SBNO2: variants seen among roughly 807,000 people sequenced by gnomAD.
SBNO2 encodes strawberry notch homolog 2.
Under a neutral mutation model 146.3 loss-of-function variants are expected in SBNO2, and 89 were observed. The observed-to-expected ratio is 0.61, with a 90% confidence interval of 0.51 to 0.73. The LOEUF (loss-of-function observed/expected upper bound fraction) is 0.73, where lower values mean the gene tolerates loss of function less well. SBNO2 is among the 30% of genes least tolerant of loss of function. The probability of loss-of-function intolerance (pLI) is 0.00; values close to 1 mark genes in which losing one functional copy is unlikely to be tolerated. For missense variants in SBNO2, 2,092 were observed against 2,003.7 expected, an observed-to-expected ratio of 1.04 and a Z score of -0.84; for synonymous variants, 1,147 against 892.6, an observed-to-expected ratio of 1.29 and a Z score of -5.08.
Position 1,112,838 on chromosome 19 carries a change from G to A in SBNO2, c.2359C>T (p.Arg787Cys), listed in dbSNP as rs1028753729. ...CGCACCTTCTCGCCGCTCATGAAGC[G>A]CTGCTTCTCCCTGAGGTTCACGTGG... ...IDHVNLREKQ[R>C]FMSGEKLVAI... The change falls in exon 20 of 32, where the codon CGC (arginine) becomes TGC (cysteine). Residue 787 changes from arginine (R) to cysteine (C), a missense_variant. Transcript: ENST00000361757. This position sits in a 1 kb window ranked among gnomAD's most constrained non-coding sequence, Gnocchi z 5.9. The A allele has an allele frequency of 1.0e-5, 16 of 1,574,848 alleles. No homozygotes were observed. The highest frequency in any genetic ancestry group is 1.4e-5 in the Non-Finnish European group (16 of 1,161,982).
rs779293199 is a variant in SBNO2 at position 1,122,115 on chromosome 19, TCCCGATTG to T, written c.1149+16_1149+23del. 2.0e-5 allele frequency: 20 copies of T among 994,048 alleles called. No individual in the cohort carries two copies. Among genetic ancestry groups the T allele is most frequent in the Non-Finnish European group, 2.4e-5 (20 of 831,526 alleles). 61.6% of individuals were successfully genotyped at this position (994,048 alleles called of 1,614,324 possible). ...CCGACCCCCTAATCCAGCCCTCCCC[TCCCGATTG>T]CCCCCAGCAGGATACGACGCCCTCG... On this transcript the variant is annotated intron_variant, in intron 11 of 31. Transcript: ENST00000361757.
intron 1 of SBNO2, among the ~76,000 whole-genome samples, chr19:1,163,671 A>G (rs2080372204): frequency 6.6e-6 from 1 of 152,152 alleles, no homozygotes; most frequent in African/African-American, 2.4e-5. Flanking sequence ...CCGAGCTTGG[A>G]CCCTGCCACG....
chr19:1,170,189 C>T (rs1203014726), intron 1 of SBNO2, among the ~76,000 whole-genome samples: 2 of 152,206 alleles, frequency 1.3e-5, no homozygotes, highest in African/African-American at 4.8e-5. Flanking sequence ...AGGGCGAGAG[C>T]TGATGGGGCC....
chr19:1,113,689 A>G lies in SBNO2; in HGVS notation c.2093T>C (p.Leu698Pro), dbSNP rs2145198043. The G allele has an allele frequency of 1.9e-6, 3 of 1,582,334 alleles. No individual in the cohort carries two copies. Among genetic ancestry groups the G allele is most frequent in the Non-Finnish European group, 2.6e-6 (3 of 1,165,438 alleles). ...CCCGGGGCCATGCGGGTCTCTCTGC[A>G]GGAGGCACAGGGGTCCTAGGGAGGA... ...PSDDRGPLCLLQRDPHGPGVL... is the reference protein window; with the variant it reads ...PSDDRGPLCLPQRDPHGPGVL... Residue 698 changes from leucine to proline, a missense_variant, in exon 19 of 32, where the codon CTG becomes CCG. By Grantham distance (98) the Leu-to-Pro change is moderately conservative. Coordinates refer to ENST00000361757, the MANE Select transcript of SBNO2 (RefSeq NM_014963.3).
rs777876651 is a variant in SBNO2, at chr19:1,109,486, G to A, written c.3216+20C>T. 5 of 1,581,546 alleles carry A rather than the reference G, an allele frequency of 3.2e-6. No homozygotes were observed. The Admixed American group carries it at 5.5e-5, about 17-fold the overall frequency. ...CCCCCGCGGGCCCTCCTCTGGGGGG[G>A]TAACCCCGCCCGACCCCACCTTGTA... On this transcript the variant is annotated intron_variant, in intron 28 of 31. Transcript: ENST00000361757. The surrounding 1 kb of genome is among the most constrained non-coding windows in gnomAD (Gnocchi z 4.2).
At chr19:1,120,860 G>A (rs1353059557) in intron 11 of SBNO2, among the ~76,000 whole-genome samples, 3 of 151,716 alleles carry the variant, frequency 2.0e-5, no homozygotes, top group South Asian at 2.1e-4. Context: ...GTAGAGACGG[G>A]GTTTCACCAT....
intron 7 of SBNO2, among the ~76,000 whole-genome samples, 192 bp from the exon 8 acceptor site, chr19:1,123,237 G>A (rs1225170130): frequency 2.0e-5 from 3 of 151,996 alleles, no homozygotes; most frequent in Non-Finnish European, 4.4e-5. Flanking sequence ...AGGGCTGGCC[G>A]GGTCGGGGGT....
At chr19:1,121,274 G>A (rs948495576) in intron 11 of SBNO2, among the ~76,000 whole-genome samples, 2 of 152,198 alleles carry the variant, frequency 1.3e-5, no homozygotes, top group African/African-American at 4.8e-5. Context: ...CAAATTAAAC[G>A]GCCGGCCCTG....
chr19:1,121,343 T>C (rs1190492289), intron 11 of SBNO2, among the ~76,000 whole-genome samples: 1 of 152,202 alleles, frequency 6.6e-6, no homozygotes, highest in African/African-American at 2.4e-5. Flanking sequence ...TCGTAGATTG[T>C]TGCACATAGA....
At position 1,127,596 on chromosome 19, in the gene SBNO2, G is replaced by T. The variant is rs762873881; in HGVS notation, c.441+8C>A. 1.9e-6 allele frequency: 3 copies of T among 1,610,918 alleles called. No homozygotes were observed. In the African/African-American group the frequency reaches 4.0e-5, roughly 22 times the overall value. On this transcript the variant is annotated splice_region_variant and intron_variant, in intron 5 of 31. Coordinates refer to ENST00000361757, the MANE Select transcript of SBNO2 (RefSeq NM_014963.3). The stretch of plus-strand genomic sequence containing the variant: ...TCGGGGCTGGCTGGGGGCACCGGGC[G>T]CACTGACCTTATCGTGGGTGGAGGG...
rs746246187 is a variant in SBNO2, at chr19:1,119,987, C to A, written c.1186G>T (p.Gly396Cys). 6.4e-7 allele frequency: 1 copy of A among 1,551,544 alleles called. No homozygotes were observed. The highest frequency in any genetic ancestry group is 8.7e-7 in the Non-Finnish European group (1 of 1,147,266). Residue 396 changes from glycine (G) to cysteine (C), a missense_variant, in exon 12 of 32, where the codon GGC becomes TGC. Coordinates refer to ENST00000361757, the MANE Select transcript of SBNO2 (RefSeq NM_014963.3). ...FDECHKAKNA[G>C]STKMGKAVLD... ...ACAGCCTTGCCCATCTTGGTGGAGC[C>A]GGCATTCTTGGCTTTGTGACACTCG...
intron 13 of SBNO2, 85 bp downstream of exon 13, chr19:1,119,430 TG>T: frequency 9.2e-7 from 1 of 1,086,966 alleles, no homozygotes; most frequent in Non-Finnish European, 1.3e-6. Context: ...GAAGCACACG[TG>T]GCAGTGCCAG....
intron 4 of SBNO2, among the ~76,000 whole-genome samples, chr19:1,146,810 G>A (rs2080194710): frequency 1.4e-5 from 2 of 143,086 alleles, no homozygotes; most frequent in Admixed American, 6.9e-5. Context: ...GGCTGGGAGG[G>A]TGGGGGTGGG....
In SBNO2 at chr19:1,122,770, T is replaced by G; in HGVS notation, c.802A>C (p.Ser268Arg). ...ATGAGAAAGCCCGCGCGCTGCCCGC[T>G]GGGGAGCAGGACCTCGTGTTGCTGT... ...ACQQHEVLLP[S>R]GQRAGFLIGD... The change falls in exon 9 of 32, where the codon AGC becomes CGC. Residue 268 changes from serine (S) to arginine (R), a missense_variant. By Grantham distance (110) the Ser-to-Arg change is moderately radical (BLOSUM62 -1). Coordinates refer to ENST00000361757, the MANE Select transcript of SBNO2 (RefSeq NM_014963.3). The G allele has an allele frequency of 6.5e-7, 1 of 1,537,874 alleles. No individual in the cohort carries two copies. The highest frequency in any genetic ancestry group is 8.7e-7 in the Non-Finnish European group (1 of 1,146,480).
Position 1,140,482 on chromosome 19 carries a change from C to T in SBNO2, c.279+6827G>A, listed in dbSNP as rs1448346994. Among the ~76,000 whole-genome samples the T allele has an allele frequency of 6.6e-6, 1 of 152,108 alleles. No individual in the cohort carries two copies. The highest frequency in any genetic ancestry group is 1.9e-4 in the East Asian group (1 of 5,180). On this transcript the variant is annotated intron_variant, in intron 4 of 31. Transcript: ENST00000361757. This position sits in a 1 kb window ranked among gnomAD's most constrained non-coding sequence, Gnocchi z 4.4. ...GAAGGCTGAGCAGAAGTGAGGGGGG[C>T]CCTTCCTCCGGGCCAGGGTGGCTGG...
intron 11 of SBNO2, chr19:1,120,260 A>G (rs565758313): frequency 9.3e-6 from 5 of 537,664 alleles, no homozygotes; most frequent in South Asian, 7.2e-5. Flanking sequence ...CCCAGACTCT[A>G]AACAACACAC....
At chr19:1,113,504 C>T (rs1385098696) in intron 19 of SBNO2, 31 bp downstream of exon 19, 1 of 1,564,228 alleles carries the variant, frequency 6.4e-7, no homozygotes, top group African/African-American at 1.4e-5. Flanking sequence ...ATGCCCCGCC[C>T]ACCACACTCC....
intron 1 of SBNO2, 30 bp from the exon 2 acceptor site, chr19:1,154,432 G>T: frequency 2.5e-6 from 1 of 398,856 alleles, no homozygotes; most frequent in Non-Finnish European, 4.4e-6. Flanking sequence ...CGTCCTGAGA[G>T]TCCAACGGTG....
chr19:1,153,968 T>G (rs1422096503), intron 2 of SBNO2, among the ~76,000 whole-genome samples: 1 of 152,212 alleles, frequency 6.6e-6, no homozygotes, highest in Non-Finnish European at 1.5e-5. Flanking sequence ...CTTGAAAAGC[T>G]GGGGCCATGA....
Sources: allele counts gnomAD v4.1 joint callset (sites outside exome capture counted in the v4.1 genomes callset), GRCh38; gene constraint gnomAD v4.1.1; non-coding constraint Gnocchi (gnomAD v3.1); transcripts MANE v1.5; gene names NCBI Gene and HGNC (gene_info 2026-07-23, HGNC 2026-07-21).